HFE: variants seen among roughly 807,000 people sequenced by gnomAD.
HFE encodes hereditary hemochromatosis protein.
A neutral mutation model predicts 40.9 loss-of-function variants in HFE; 36 were observed. The observed-to-expected ratio is 0.88, with a 90% CI of 0.67 to 1.16. The LOEUF (loss-of-function observed/expected upper bound fraction) is 1.16. Among genes scored for constraint, HFE ranks in the 50% most tolerant of loss-of-function variants. The probability of loss-of-function intolerance (pLI) is 0.00; values close to 1 mark genes in which losing one functional copy is unlikely to be tolerated. For missense variants in HFE, 376 were observed against 432.0 expected, an observed-to-expected ratio of 0.87 and a Z score of 1.15; for synonymous variants, 157 against 165.4, an observed-to-expected ratio of 0.95 and a Z score of 0.39.
chr6:26,098,042 G>A lies in HFE; in HGVS notation c.*3816G>A, dbSNP rs1033924527. 6.6e-6 allele frequency: 1 copy of A among 152,116 alleles called. No individual in the cohort carries two copies. The highest frequency in any genetic ancestry group is 1.5e-5 in the Non-Finnish European group (1 of 68,026). The allele number at this position is 152,116 out of a possible 1,614,324, so 9.4% of individuals were successfully genotyped here. ...TTGTGATTCTCTCTGTAGGCTTTGG[G>A]TATAATGTGTTCTTTTCCTTTTTTG... On this transcript the variant is annotated 3_prime_UTR_variant, in exon 6 of 6. Transcript: ENST00000357618.
intron 3 of HFE, among the ~76,000 whole-genome samples, chr6:26,092,173 T>TAAAAA (rs34225963): frequency 2.0e-5 from 2 of 98,746 alleles, no homozygotes; most frequent in Non-Finnish European, 1.9e-5. Flanking sequence ...GACTCCATCT[T>TAAAAA]AAAAAAAAAA....
intron 1 of HFE, among the ~76,000 whole-genome samples, chr6:26,088,830 G>C (rs1449355611): frequency 6.6e-6 from 1 of 152,180 alleles, no homozygotes; most frequent in East Asian, 1.9e-4. Flanking sequence ...CCAAGGGAGA[G>C]AGCAGGGAAA....
chr6:26,090,603 G>A lies in HFE; in HGVS notation c.77-238G>A, dbSNP rs918071358. Among the ~76,000 whole-genome samples the A allele has an allele frequency of 2.0e-5, 3 of 152,056 alleles. No individual in the cohort carries two copies. In the South Asian group the frequency reaches 6.2e-4, roughly 32 times the overall value. ...GCTTTAGTGGAGTCTGTCTAATCAT[G>A]AGTATTGGAATAGGATCTGGGGGCA... is the stretch of plus-strand genomic sequence containing the variant. On this transcript the variant is annotated intron_variant, in intron 1 of 5. Transcript: ENST00000357618.
chr6:26,089,556 C>T (rs531246729), intron 1 of HFE, among the ~76,000 whole-genome samples: 1 of 152,086 alleles, frequency 6.6e-6, no homozygotes, highest in Non-Finnish European at 1.5e-5. Context: ...GTGGAGTGGG[C>T]TGGGTGGGAA....
rs752497474 is a variant in HFE at position 26,090,883 on chromosome 6, A to G, written c.119A>G (p.Gln40Arg). 12 of 1,614,172 alleles carry G rather than the reference A, an allele frequency of 7.4e-6. No homozygotes were observed. Among genetic ancestry groups the G allele is most frequent in the Non-Finnish European group, 1.0e-5 (12 of 1,180,014 alleles). The stretch of plus-strand genomic sequence containing the variant: ...TACCTCTTCATGGGTGCCTCAGAGC[A>G]GGACCTTGGTCTTTCCTTGTTTGAA... ...LHYLFMGASE[Q>R]DLGLSLFEAL... is the part of the protein sequence containing the mutation. The change falls in exon 2 of 6, where the codon CAG becomes CGG. Residue 40 changes from glutamine to arginine, a missense_variant. This residue lies in a region of HFE where 200 missense variants were observed against 228.5 expected (regional missense o/e 0.88). Coordinates refer to ENST00000357618, the MANE Select transcript of HFE (RefSeq NM_000410.4).
In HFE at chr6:26,092,977, A is replaced by C; in HGVS notation, c.892+17A>C. 1 of 1,613,934 alleles carries C rather than the reference A, an allele frequency of 6.2e-7. No homozygotes were observed. The highest frequency in any genetic ancestry group is 8.5e-7 in the Non-Finnish European group (1 of 1,180,034). ...TGATCTGGGGTATGTGACTGATGAG[A>C]GCCAGGAGCTGAGAAAATCTATTGG... is the stretch of plus-strand genomic sequence containing the variant. On this transcript the variant is annotated intron_variant, in intron 4 of 5. Transcript: ENST00000357618.
Position 26,096,602 on chromosome 6 carries a change from G to T in HFE, c.*2376G>T. The stretch of plus-strand genomic sequence containing the variant: ...TCTTTAGGCATTAAATTTTAGCAAA[G>T]ATATCTCATCTCTTCTTTTAAACCA... On this transcript the variant is annotated 3_prime_UTR_variant, in exon 6 of 6. Transcript: ENST00000357618. 1 of 455,642 alleles carries T rather than the reference G, an allele frequency of 2.2e-6. No individual in the cohort carries two copies. Among genetic ancestry groups the T allele is most frequent in the Non-Finnish European group, 4.4e-6 (1 of 226,678 alleles). 28.2% of individuals were successfully genotyped at this position (455,642 alleles called of 1,614,324 possible).
In HFE at chr6:26,091,043, GT is replaced by G; in HGVS notation, c.280del (p.Trp94GlyfsTer117). ...WLQLSQSLKG[W>X]DHMFTVDFWT... Reference sequence around the variant, plus strand: ...TGCAGCTGAGTCAGAGTCTGAAAGGGTGGGATCACATGTTCACTGTTGACTT... The same window carrying G: ...TGCAGCTGAGTCAGAGTCTGAAAGGGGGGATCACATGTTCACTGTTGACTT... On this transcript the variant is annotated frameshift_variant, in exon 2 of 6. Transcript: ENST00000357618. LOFTEE classifies it high-confidence loss of function. The G allele has an allele frequency of 6.2e-7, 1 of 1,614,196 alleles. No homozygotes were observed. The highest frequency in any genetic ancestry group is 8.5e-7 in the Non-Finnish European group (1 of 1,180,026).
intron 1 of HFE, among the ~76,000 whole-genome samples, chr6:26,090,042 G>T (rs34555420): frequency 0.043 from 6,480 of 152,184 alleles, 199 homozygotes; most frequent in Non-Finnish European, 0.073. Context: ...TGAAGGCAGA[G>T]GAAAGAGCAG....
Position 26,093,962 on chromosome 6 carries a change from G to C in HFE, c.1007-224G>C, listed in dbSNP as rs146869024. 2.1e-3 allele frequency among the ~76,000 whole-genome samples: 316 copies of C among 152,216 alleles called. 3 individuals are homozygous for C. Among genetic ancestry groups the C allele is most frequent in the African/African-American group, 7.4e-3 (306 of 41,530 alleles). ...AAGGATCCTAAGAAAGGAGGACCAC[G>C]ATCTCCCTTATATGGTGAATGTGTT... is the stretch of plus-strand genomic sequence containing the variant. On this transcript the variant is annotated intron_variant, in intron 5 of 5. Coordinates refer to ENST00000357618, the MANE Select transcript of HFE (RefSeq NM_000410.4).
At position 26,093,056 on chromosome 6, in the gene HFE, T is replaced by A. The variant is rs561001400; in HGVS notation, c.893-63T>A. 6 of 1,613,590 alleles carry A rather than the reference T, an allele frequency of 3.7e-6. No individual in the cohort carries two copies. In the African/African-American group the frequency reaches 5.3e-5, roughly 14 times the overall value. Reference sequence around the variant, plus strand: ...TTATGGCAGTGAGATGAGGATCTGCTCTTTGTTAGGGGGTGGGCTGAGGGT... The same window carrying A: ...TTATGGCAGTGAGATGAGGATCTGCACTTTGTTAGGGGGTGGGCTGAGGGT... On this transcript the variant is annotated intron_variant, in intron 4 of 5. Coordinates refer to ENST00000357618, the MANE Select transcript of HFE (RefSeq NM_000410.4).
chr6:26,093,311 A>G, intron 5 of HFE, 79 bp downstream of exon 5: 1 of 973,370 alleles, frequency 1.0e-6, no homozygotes. Flanking sequence ...GGGATCTGGC[A>G]TCCATGGGAA....
intron 1 of HFE, 36 bp from the exon 2 acceptor site, chr6:26,090,805 A>T: frequency 6.2e-7 from 1 of 1,610,544 alleles, no homozygotes; most frequent in Non-Finnish European, 8.5e-7. Context: ...CTCCCCTCCT[A>T]CTACACATGG....
At position 26,090,765 on chromosome 6, in the gene HFE, G is replaced by C. The variant is rs536161291; in HGVS notation, c.77-76G>C. 2.4e-5 allele frequency: 35 copies of C among 1,442,358 alleles called. No individual in the cohort carries two copies. In the South Asian group the frequency reaches 3.8e-4, roughly 16 times the overall value. 89.3% of individuals were successfully genotyped at this position (1,442,358 alleles called of 1,614,324 possible). ...CCAGACACAGCTGATGGTATGAGTT[G>C]ATGCAGGTGTGTGGAGCCTCAACAT... On this transcript the variant is annotated intron_variant, in intron 1 of 5. Coordinates refer to ENST00000357618, the MANE Select transcript of HFE (RefSeq NM_000410.4).
At chr6:26,088,500 G>A (rs758065886) in intron 1 of HFE, among the ~76,000 whole-genome samples, 8 of 152,212 alleles carry the variant, frequency 5.3e-5, no homozygotes, top group Non-Finnish European at 1.0e-4. Context: ...AATCTTAGTT[G>A]ACAGTGATTT....
At chr6:26,093,089 A>G in intron 4 of HFE, 30 bp from the exon 5 acceptor site, 2 of 1,613,586 alleles carry the variant, frequency 1.2e-6, no homozygotes, top group Non-Finnish European at 1.7e-6. Flanking sequence ...GGTGGCAATC[A>G]AAGGCTTTAA....
In HFE at chr6:26,094,338, T is replaced by G; in HGVS notation, c.*112T>G. The G allele has an allele frequency of 1.0e-6, 1 of 993,696 alleles. No homozygotes were observed. Among genetic ancestry groups the G allele is most frequent in the South Asian group, 1.3e-5 (1 of 75,570 alleles). The allele number at this position is 993,696 out of a possible 1,614,324, so 61.6% of individuals were successfully genotyped here. A position where few individuals can be genotyped will look rare whatever the true frequency, so the allele number is the denominator to read the frequency against. On this transcript the variant is annotated 3_prime_UTR_variant, in exon 6 of 6. Coordinates refer to ENST00000357618, the MANE Select transcript of HFE (RefSeq NM_000410.4). Reference sequence around the variant, plus strand: ...AGAGAGTTGAACCTAAACATAGAAATTGCCTGACGAACTCCTTGATTTTAG... The same window carrying G: ...AGAGAGTTGAACCTAAACATAGAAAGTGCCTGACGAACTCCTTGATTTTAG...
In HFE at chr6:26,097,301, T is replaced by G. The variant is rs947612495; in HGVS notation, c.*3075T>G. On this transcript the variant is annotated 3_prime_UTR_variant, in exon 6 of 6. Coordinates refer to ENST00000357618, the MANE Select transcript of HFE (RefSeq NM_000410.4). Reference sequence around the variant, plus strand: ...GCCTGTTAATTTTTTTAATAGAAATTTTAAGTCCTCATTTTCTTTCGGTGT... The same window carrying G: ...GCCTGTTAATTTTTTTAATAGAAATGTTAAGTCCTCATTTTCTTTCGGTGT... The G allele has an allele frequency of 2.6e-5, 4 of 152,312 alleles. No individual in the cohort carries two copies. The highest frequency in any genetic ancestry group is 6.5e-5 in the Admixed American group (1 of 15,300). The allele number at this position is 152,312 out of a possible 1,614,324, so 9.4% of individuals were successfully genotyped here.
Position 26,087,532 on chromosome 6 carries a change from G to A in HFE, c.76+16G>A, listed in dbSNP as rs1229186618. The A allele has an allele frequency of 6.2e-7, 1 of 1,607,606 alleles. No individual in the cohort carries two copies. Among genetic ancestry groups the A allele is most frequent in the Non-Finnish European group, 8.5e-7 (1 of 1,174,784 alleles). Reference sequence around the variant, plus strand: ...CGCTTGCTGCGTGAGTCCGAGGGCTGCGGGCGAACTAGGGGCGCGGCGGGG... The same window carrying A: ...CGCTTGCTGCGTGAGTCCGAGGGCTACGGGCGAACTAGGGGCGCGGCGGGG... On this transcript the variant is annotated intron_variant, in intron 1 of 5. Coordinates refer to ENST00000357618, the MANE Select transcript of HFE (RefSeq NM_000410.4).
Sources: allele counts gnomAD v4.1 joint callset (sites outside exome capture counted in the v4.1 genomes callset), GRCh38; gene constraint gnomAD v4.1.1; regional missense constraint gnomAD v4.1.1; transcripts MANE v1.5; gene names NCBI Gene and HGNC (gene_info 2026-07-23, HGNC 2026-07-21).